The following RUBCNL variants were observed in gnomAD, a reference collection of about 807,000 sequenced individuals.
The protein encoded by RUBCNL is rubicon like autophagy enhancer, also known as protein associated with UVRAG as autophagy enhancer.
Under a neutral mutation model 69.5 loss-of-function variants are expected in RUBCNL, and 62 were observed. That is an observed-to-expected ratio of 0.89 (90% confidence interval 0.73 to 1.10). RUBCNL has a LOEUF of 1.10. Among genes scored for constraint, RUBCNL ranks in the 50% least tolerant of loss-of-function variants. The pLI, the probability that RUBCNL is intolerant of heterozygous loss-of-function variation, is 0.00. For missense variants in RUBCNL, 768 were observed against 798.1 expected (o/e 0.96, Z 0.45); for synonymous variants, 291 against 303.6 (o/e 0.96, Z 0.43).
chr13:46,376,240 G>A (rs1432378697), intron 2 of RUBCNL, among the ~76,000 whole-genome samples: 1 of 152,022 alleles, frequency 6.6e-6, no homozygotes, highest in Non-Finnish European at 1.5e-5. Flanking sequence ...CCTAACCCCT[G>A]CATTGTGAAG....
intron 6 of RUBCNL, among the ~76,000 whole-genome samples, 176 bp downstream of exon 6, chr13:46,362,939 G>C (rs4941554): frequency 2.4e-5 from 1 of 41,504 alleles, no homozygotes; most frequent in African/African-American, 1.9e-4. Context: ...TATATATATA[G>C]ATATATATAT....
intron 2 of RUBCNL, 78 bp downstream of exon 2, chr13:46,377,812 T>C (rs939380970): frequency 2.9e-5 from 23 of 787,930 alleles, no homozygotes; most frequent in Non-Finnish European, 4.6e-5. Flanking sequence ...AATAGGCCCA[T>C]AATAGATTCA....
chr13:46,385,910 G>A (rs750562522), intron 1 of RUBCNL, among the ~76,000 whole-genome samples: 36 of 152,082 alleles, frequency 2.4e-4, no homozygotes, highest in Non-Finnish European at 4.1e-4. Context: ...AATGAAGAAG[G>A]CAAAGTTCCT....
chr13:46,352,133 T>C (rs1176583038), intron 10 of RUBCNL, among the ~76,000 whole-genome samples: 2 of 152,206 alleles, frequency 1.3e-5, no homozygotes, highest in African/African-American at 4.8e-5. Context: ...CACTGCACTT[T>C]CTAACCTACT....
chr13:46,384,683 A>G (rs2049198175), intron 1 of RUBCNL, among the ~76,000 whole-genome samples: 1 of 152,366 alleles, frequency 6.6e-6, no homozygotes, highest in Admixed American at 6.5e-5. Context: ...TGGAAAAATC[A>G]CATTAAGTGT....
At chr13:46,349,405 G>T in intron 11 of RUBCNL, 58 bp from the exon 12 acceptor site, 1 of 1,478,632 alleles carries the variant, frequency 6.8e-7, no homozygotes, top group Non-Finnish European at 9.4e-7. Flanking sequence ...CACGGGAAAA[G>T]TGCAAGTCAA....
intron 6 of RUBCNL, 55 bp downstream of exon 6, chr13:46,363,060 T>G: frequency 9.6e-7 from 1 of 1,044,534 alleles, no homozygotes; most frequent in Admixed American, 2.0e-5. Context: ...AGTGTGTGTA[T>G]GCGGATGGGA....
At chr13:46,361,338 T>C in intron 8 of RUBCNL, 103 bp downstream of exon 8, 2 of 1,247,248 alleles carry the variant, frequency 1.6e-6, no homozygotes, top group Non-Finnish European at 2.2e-6. Flanking sequence ...TCCCCTAATA[T>C]CCAGTGACCA....
Position 46,363,140 on chromosome 13 carries a change from G to A in RUBCNL, c.900C>T (p.Cys300=), listed in dbSNP as rs552115280. 8 of 1,597,666 alleles carry A rather than the reference G, an allele frequency of 5.0e-6. No homozygotes were observed. Among genetic ancestry groups the A allele is most frequent in the South Asian group, 1.1e-5 (1 of 89,394 alleles). The change falls in exon 6 of 15, where the codon TGC becomes TGT. Residue 300 remains cysteine, a synonymous_variant. Transcript: ENST00000429979. The part of the protein sequence containing the change: ...TYHDVKEICK[C]DVDEFVILEL... Reference sequence around the variant, plus strand: ...CTAAAATAACAAATTCATCAACATCGCATTTGCAAATCTCTTTCACATCAT... The same window carrying A: ...CTAAAATAACAAATTCATCAACATCACATTTGCAAATCTCTTTCACATCAT...
intron 10 of RUBCNL, among the ~76,000 whole-genome samples, chr13:46,352,650 C>A (rs1439245947): frequency 1.3e-5 from 2 of 152,106 alleles, no homozygotes; most frequent in Non-Finnish European, 2.9e-5. Flanking sequence ...ACTAAAAATA[C>A]AAAATTAGAT....
chr13:46,361,615 G>C (rs2048612682), intron 7 of RUBCNL, 42 bp from the exon 8 acceptor site: 2 of 1,553,654 alleles, frequency 1.3e-6, no homozygotes, highest in Non-Finnish European at 1.7e-6. Flanking sequence ...CTATATTCAT[G>C]AGGAGTATGT....
intron 1 of RUBCNL, among the ~76,000 whole-genome samples, chr13:46,384,631 T>C (rs1442545354): frequency 7.2e-5 from 11 of 152,188 alleles, no homozygotes; most frequent in Non-Finnish European, 1.6e-4. Context: ...CTAAGGATCA[T>C]TGGAATGAAT....
At chr13:46,386,240 CAAG>C (rs1203429412) in intron 1 of RUBCNL, among the ~76,000 whole-genome samples, 1 of 152,008 alleles carries the variant, frequency 6.6e-6, no homozygotes, top group Non-Finnish European at 1.5e-5. Flanking sequence ...AACTGAAGTT[CAAG>C]AAGGTTTCTT....
chr13:46,389,336 T>C (rs1425926498), upstream of RUBCNL, among the ~76,000 whole-genome samples: 1 of 151,944 alleles, frequency 6.6e-6, no homozygotes, highest in Non-Finnish European at 1.5e-5. The surrounding 1 kb of genome is among the most constrained non-coding windows in gnomAD (Gnocchi z 4.2). Context: ...ACCAGCAAGA[T>C]GGAAGAATAA....
chr13:46,363,282 C>A, intron 5 of RUBCNL, 69 bp from the exon 6 acceptor site: 1 of 671,868 alleles, frequency 1.5e-6, no homozygotes, highest in Non-Finnish European at 2.3e-6. Flanking sequence ...CCTGCAACAC[C>A]CAACTAAATA....
At position 46,361,515 on chromosome 13, in the gene RUBCNL, C is replaced by T. The variant is rs754684104; in HGVS notation, c.1045G>A (p.Val349Met). Reference sequence around the variant, plus strand: ...GACAGTATCCAGCACTTCTGGAACACGCGGTACAGCTCTTTGGCTAATAGT... The same window carrying T: ...GACAGTATCCAGCACTTCTGGAACATGCGGTACAGCTCTTTGGCTAATAGT... ...AELLAKELYR[V>M]FQKCWILSVV... The change falls in exon 8 of 15, where the codon GTG becomes ATG. Residue 349 changes from valine (V) to methionine (M), a missense_variant. Transcript: ENST00000429979. 78 of 1,613,082 alleles carry T rather than the reference C, an allele frequency of 4.8e-5. 1 individual carries two copies. In the South Asian group the frequency reaches 7.4e-4, roughly 15 times the overall value.
At chr13:46,382,685 C>G (rs2049145137) in intron 1 of RUBCNL, among the ~76,000 whole-genome samples, 1 of 152,180 alleles carries the variant, frequency 6.6e-6, no homozygotes, top group South Asian at 2.1e-4. Context: ...AGGCGCCCAC[C>G]ACCATGCCCG....
Position 46,372,052 on chromosome 13 carries a change from A to T in RUBCNL, c.424T>A (p.Ser142Thr). Residue 142 changes from serine (S) to threonine (T), a missense_variant, in exon 3 of 15, where the codon TCT (serine) becomes ACT (threonine). Transcript: ENST00000429979. ...CTTGTGGGCAGAGACACCCGATGAG[A>T]GTATCCTGGGCGGACCATGTGTACC... is the stretch of plus-strand genomic sequence containing the variant. The part of the protein sequence containing the change: ...TEVHMVRPGY[S>T]HRVSLPTSPG... The T allele has an allele frequency of 6.2e-7, 1 of 1,614,018 alleles. No homozygotes were observed. Among genetic ancestry groups the T allele is most frequent in the Non-Finnish European group, 8.5e-7 (1 of 1,179,900 alleles).
At chr13:46,351,175 G>A (rs2048361548) in intron 10 of RUBCNL, among the ~76,000 whole-genome samples, 1 of 152,090 alleles carries the variant, frequency 6.6e-6, no homozygotes, top group Non-Finnish European at 1.5e-5. Flanking sequence ...TAAGGCAGGA[G>A]GATTGCTTGA....
Sources: allele counts gnomAD v4.1 joint callset (sites outside exome capture counted in the v4.1 genomes callset), GRCh38; gene constraint gnomAD v4.1.1; non-coding constraint Gnocchi (gnomAD v3.1); transcripts MANE v1.5; gene names NCBI Gene and HGNC (gene_info 2026-07-23, HGNC 2026-07-21).